Variants in STPG2 observed in about 807,000 individuals in gnomAD.
STPG2 encodes the protein sperm tail PG-rich repeat containing 2.
STPG2 carries 56 observed loss-of-function variants against 54.2 expected under a neutral mutation model. The ratio of observed to expected loss-of-function variants is 1.03; its 90% CI spans 0.83 to 1.29. The LOEUF (loss-of-function observed/expected upper bound fraction) is 1.29, where lower values mean the gene tolerates loss of function less well. STPG2 is among the 50% of genes most tolerant of loss of function. The pLI is 0.00. For synonymous variants in STPG2, 200 were observed against 181.8 expected (o/e 1.10, Z -0.81); for missense variants, 596 against 544.9 (o/e 1.09, Z -0.93).
At chr4:98,013,371 G>A (rs920187546) in intron 5 of STPG2, among the ~76,000 whole-genome samples, 9 of 152,162 alleles carry the variant, frequency 5.9e-5, no homozygotes, top group South Asian at 2.1e-4. Flanking sequence ...GAGGGTTTTC[G>A]CATGAATGTT....
At chr4:97,542,853 A>G (rs535160740) in intron 4 of STPG2, among the ~76,000 whole-genome samples, 2 of 152,166 alleles carry the variant, frequency 1.3e-5, no homozygotes, top group Non-Finnish European at 2.9e-5. Flanking sequence ...CATCATTCTC[A>G]GCAAACTAAA....
At chr4:97,615,526 G>T (rs1395947341) in intron 10 of STPG2, among the ~76,000 whole-genome samples, 1 of 151,982 alleles carries the variant, frequency 6.6e-6, no homozygotes, top group South Asian at 2.1e-4. Context: ...AGCCTCATGA[G>T]ATCCTCCCAT....
chr4:97,953,895 G>T (rs893415544), intron 7 of STPG2, among the ~76,000 whole-genome samples: 1 of 152,188 alleles, frequency 6.6e-6, no homozygotes, highest in African/African-American at 2.4e-5. Flanking sequence ...AGTTCACAGT[G>T]AGAATTGCTA....
chr4:97,653,173 T>A (rs181024449), intron 10 of STPG2, among the ~76,000 whole-genome samples: 4 of 152,112 alleles, frequency 2.6e-5, no homozygotes, highest in Admixed American at 1.3e-4. Context: ...GCAGGTATTA[T>A]GTATTAGGGA....
At chr4:97,951,233 A>G (rs1172560754) in intron 7 of STPG2, among the ~76,000 whole-genome samples, 1 of 152,112 alleles carries the variant, frequency 6.6e-6, no homozygotes, top group Non-Finnish European at 1.5e-5. Flanking sequence ...CATTTGAGTA[A>G]TAATAAAACT....
At chr4:98,086,010 A>G (rs1181587591) in intron 5 of STPG2, among the ~76,000 whole-genome samples, 1 of 152,148 alleles carries the variant, frequency 6.6e-6, no homozygotes, top group African/African-American at 2.4e-5. Flanking sequence ...AAAAAAATTT[A>G]AAACAGAATT....
chr4:98,013,814 A>T (rs1384125454), intron 5 of STPG2, among the ~76,000 whole-genome samples: 1 of 151,714 alleles, frequency 6.6e-6, no homozygotes, highest in Non-Finnish European at 1.5e-5. Context: ...CAGTGGTGAT[A>T]TCCCCTTTAT....
intron 4 of STPG2, among the ~76,000 whole-genome samples, chr4:97,442,308 C>T (rs778578299): frequency 1.3e-5 from 2 of 151,714 alleles, no homozygotes; most frequent in Non-Finnish European, 2.9e-5. Context: ...GTTCTTTCTT[C>T]ATGCAAACAT....
In STPG2 at chr4:97,847,918, C is replaced by G. The variant is rs144833290; in HGVS notation, c.1045-6986G>C. Reference sequence around the variant, plus strand: ...CCTTAGACTTTTCTGTCCTTTACTACCAAAAAGATCCTGGCATGAGCTCCA... The same window carrying G: ...CCTTAGACTTTTCTGTCCTTTACTAGCAAAAAGATCCTGGCATGAGCTCCA... On this transcript the variant is annotated intron_variant, in intron 8 of 10. Transcript: ENST00000295268. Among the ~76,000 whole-genome samples, 78 of 152,274 alleles carry G rather than the reference C, an allele frequency of 5.1e-4. 2 individuals carry two copies. Among genetic ancestry groups the G allele is most frequent in the East Asian group, 3.9e-3 (20 of 5,180 alleles).
chr4:97,458,476 T>C (rs572915754), intron 4 of STPG2, among the ~76,000 whole-genome samples: 164 of 152,310 alleles, frequency 1.1e-3, no homozygotes, highest in Non-Finnish European at 2.1e-3. Context: ...TAATTTTCCA[T>C]GGTTTATAAT....
chr4:97,846,876 C>A (rs1265511715), intron 8 of STPG2, among the ~76,000 whole-genome samples: 1 of 152,098 alleles, frequency 6.6e-6, no homozygotes, highest in Non-Finnish European at 1.5e-5. Flanking sequence ...AAATGTTCTT[C>A]CATTTCTGTG....
At chr4:97,918,964 A>T (rs1731992943) in intron 8 of STPG2, among the ~76,000 whole-genome samples, 1 of 152,198 alleles carries the variant, frequency 6.6e-6, no homozygotes, top group Non-Finnish European at 1.5e-5. Context: ...AACTATTGAA[A>T]TAATTTTTAA....
intron 4 of STPG2, among the ~76,000 whole-genome samples, chr4:97,498,366 T>C (rs536720369): frequency 6.6e-6 from 1 of 152,130 alleles, no homozygotes; most frequent in African/African-American, 2.4e-5. Context: ...TCAAATTTCA[T>C]AATAAATTTA....
chr4:97,852,575 G>T (rs1729195276), intron 8 of STPG2, among the ~76,000 whole-genome samples: 1 of 152,262 alleles, frequency 6.6e-6, no homozygotes, highest in East Asian at 1.9e-4. Flanking sequence ...CTCCAAAATA[G>T]TAAGGGTAAT....
intron 9 of STPG2, among the ~76,000 whole-genome samples, chr4:97,746,246 C>T (rs542209526): frequency 2.0e-5 from 3 of 151,186 alleles, no homozygotes; most frequent in Non-Finnish European, 3.0e-5. Context: ...GTATCTTTAA[C>T]TCACTAAATT....
intron 10 of STPG2, among the ~76,000 whole-genome samples, chr4:97,606,081 A>G (rs1224479155): frequency 1.3e-5 from 2 of 151,964 alleles, no homozygotes. Context: ...ATGATTTGAA[A>G]TGATTTAGGA....
chr4:98,004,122 T>C (rs1735501503), intron 5 of STPG2, among the ~76,000 whole-genome samples: 3 of 152,124 alleles, frequency 2.0e-5, no homozygotes, highest in South Asian at 4.1e-4. Flanking sequence ...TTATTCATCT[T>C]GCATACCTGT....
At chr4:97,737,218 C>T (rs1195440224) in intron 9 of STPG2, among the ~76,000 whole-genome samples, 4 of 152,108 alleles carry the variant, frequency 2.6e-5, no homozygotes, top group African/African-American at 9.7e-5. Flanking sequence ...TGTATGTCAC[C>T]ATCATCAAAG....
intron 9 of STPG2, among the ~76,000 whole-genome samples, chr4:97,800,231 G>A (rs937368026): frequency 1.3e-5 from 2 of 152,208 alleles, no homozygotes; most frequent in African/African-American, 4.8e-5. Flanking sequence ...GCAAGGAGCT[G>A]CGTTCCTTTG....
Sources: gnomAD v4.1 joint callset for allele counts (sites outside exome capture counted in the v4.1 genomes callset) on GRCh38, gnomAD v4.1.1 for gene constraint, MANE v1.5 for transcripts, NCBI Gene and HGNC (gene_info 2026-07-23, HGNC 2026-07-21) for gene names.